RUFY2: variants seen among roughly 807,000 people sequenced by gnomAD.
RUFY2 encodes RUN and FYVE domain-containing protein 2.
In RUFY2, 49 loss-of-function variants were observed where a neutral mutation model predicts 94.4. That is an observed-to-expected ratio of 0.52 (90% CI 0.41 to 0.66). The LOEUF (loss-of-function observed/expected upper bound fraction) is 0.66, where lower values mean the gene tolerates loss of function less well. RUFY2 is among the 30% of genes least tolerant of loss of function. The probability of loss-of-function intolerance (pLI) is 0.00; values close to 1 mark genes in which losing one functional copy is unlikely to be tolerated. For synonymous variants in RUFY2, 255 were observed against 235.7 expected (o/e 1.08, Z -0.75); for missense variants, 541 against 692.8 (o/e 0.78, Z 2.46).
Position 68,407,244 on chromosome 10 carries a change from T to TC in RUFY2, c.-56dup. 1.6e-6 allele frequency: 2 copies of TC among 1,287,282 alleles called. No individual in the cohort carries two copies. Among genetic ancestry groups the TC allele is most frequent in the East Asian group, 3.2e-5 (1 of 31,536 alleles). The allele number at this position is 1,287,282 out of a possible 1,614,324, so 79.7% of individuals were successfully genotyped here. A position where few individuals can be genotyped will look rare whatever the true frequency, so the allele number is the denominator to read the frequency against. ...AGGCTCCCTCGGCCTGTCCAGCAGC[T>TC]CCTTCCAGGCGCTCGGCGGCCACCA... On this transcript the variant is annotated 5_prime_UTR_variant, in exon 1 of 18. Transcript: ENST00000602465.
At chr10:68,397,740 T>C (rs1156346539) in intron 3 of RUFY2, among the ~76,000 whole-genome samples, 1 of 151,776 alleles carries the variant, frequency 6.6e-6, no homozygotes, top group African/African-American at 2.4e-5. Context: ...ATTGCATCAC[T>C]GTACTCAAGC....
chr10:68,381,857 G>A (rs1404999050), intron 10 of RUFY2, among the ~76,000 whole-genome samples: 1 of 152,070 alleles, frequency 6.6e-6, no homozygotes, highest in Non-Finnish European at 1.5e-5. Flanking sequence ...CAAAAAGTAA[G>A]TAAATATTTT....
chr10:68,404,876 T>C, intron 1 of RUFY2, 32 bp from the exon 2 acceptor site: 1 of 1,505,962 alleles, frequency 6.6e-7, no homozygotes, highest in Non-Finnish European at 9.0e-7. Context: ...CCAACATCAT[T>C]TGTAAGACAT....
chr10:68,394,087 C>A lies in RUFY2; in HGVS notation c.572G>T (p.Gly191Val). Reference sequence around the variant, plus strand: ...ATGAAAATCATACCTTTCTTTATTTCCAATATCTTCTTCATTCTTTAAATA... The same window carrying A: ...ATGAAAATCATACCTTTCTTTATTTACAATATCTTCTTCATTCTTTAAATA... ...SMYLKNEEDI[G>V]NKERNVQIAA... The change falls in exon 6 of 18, where the codon GGA becomes GTA. Residue 191 changes from glycine (G) to valine (V), a missense_variant. Physicochemically the swap from Gly to Val is moderately radical, Grantham distance 109. Transcript: ENST00000602465. 6.6e-7 allele frequency: 1 copy of A among 1,506,136 alleles called. No homozygotes were observed. The highest frequency in any genetic ancestry group is 2.4e-5 in the Admixed American group (1 of 42,352). 93.3% of individuals were successfully genotyped at this position (1,506,136 alleles called of 1,614,324 possible).
chr10:68,384,004 G>C, intron 9 of RUFY2, 47 bp downstream of exon 9: 1 of 1,586,436 alleles, frequency 6.3e-7, no homozygotes, highest in African/African-American at 1.3e-5. Flanking sequence ...CCCAAAAATG[G>C]TAATTTCTGA....
intron 3 of RUFY2, among the ~76,000 whole-genome samples, chr10:68,399,441 A>G (rs953821368): frequency 3.3e-5 from 5 of 152,222 alleles, no homozygotes; most frequent in African/African-American, 1.2e-4. Flanking sequence ...CTATACAATT[A>G]TAATAATAAC....
intron 15 of RUFY2, among the ~76,000 whole-genome samples, chr10:68,362,854 C>T (rs999313606): frequency 1.3e-5 from 2 of 151,988 alleles, no homozygotes; most frequent in African/African-American, 2.4e-5. Context: ...ATCCCAGTGA[C>T]ATTTTACTGC....
chr10:68,362,523 G>A (rs192853256), intron 15 of RUFY2, among the ~76,000 whole-genome samples: 2 of 152,014 alleles, frequency 1.3e-5, no homozygotes, highest in East Asian at 3.9e-4. Context: ...TGGGCACAGT[G>A]ACTCACGCCT....
chr10:68,368,004 C>T (rs1262553162), intron 13 of RUFY2, among the ~76,000 whole-genome samples: 2 of 146,494 alleles, frequency 1.4e-5, no homozygotes, highest in Non-Finnish European at 3.0e-5. Flanking sequence ...CTCGCTCTGT[C>T]GCCCAGGCTG....
intron 10 of RUFY2, among the ~76,000 whole-genome samples, chr10:68,382,504 A>G (rs1390856362): frequency 4.6e-5 from 7 of 151,232 alleles, no homozygotes; most frequent in Non-Finnish European, 1.0e-4. Context: ...CATGAGGTCA[A>G]GAGATCGAGA....
intron 15 of RUFY2, among the ~76,000 whole-genome samples, chr10:68,360,726 C>A (rs190952421): frequency 9.9e-5 from 15 of 151,272 alleles, no homozygotes; most frequent in African/African-American, 3.6e-4. Context: ...CCAGCCTGGG[C>A]GACAGAGCGA....
intron 13 of RUFY2, among the ~76,000 whole-genome samples, chr10:68,365,719 A>G (rs1413397135): frequency 6.6e-6 from 1 of 152,196 alleles, no homozygotes; most frequent in Non-Finnish European, 1.5e-5. Flanking sequence ...ATGCAGTAGA[A>G]ACTTAACTCT....
chr10:68,341,404 G>T, downstream of RUFY2: 1 of 1,363,232 alleles, frequency 7.3e-7, no homozygotes, highest in South Asian at 1.3e-5. Flanking sequence ...GGCAGTTGTT[G>T]GGATTTAAAA....
At chr10:68,379,049 G>A (rs1394904814) in intron 12 of RUFY2, 3 of 267,082 alleles carry the variant, frequency 1.1e-5, no homozygotes, top group Non-Finnish European at 2.1e-5. Context: ...ATAAACAGAT[G>A]GTGAATGGCA....
intron 7 of RUFY2, among the ~76,000 whole-genome samples, chr10:68,390,576 T>C (rs1476248475): frequency 6.6e-6 from 1 of 152,136 alleles, no homozygotes; most frequent in East Asian, 1.9e-4. Context: ...AAAATATATA[T>C]TGGATTTTGT....
chr10:68,393,352 G>T (rs1336200483), intron 6 of RUFY2, 149 bp from the exon 7 acceptor site: 1 of 511,276 alleles, frequency 2.0e-6, no homozygotes, highest in East Asian at 3.2e-5. Context: ...AGTAAACTGT[G>T]TACTAAGTAT....
At chr10:68,341,554 TC>T, downstream of RUFY2, 2 of 1,409,282 alleles carry the variant, frequency 1.4e-6, no homozygotes. Context: ...CATTCCTTTC[TC>T]CCCTGTTACT....
At chr10:68,366,500 T>G (rs1368397890) in intron 13 of RUFY2, among the ~76,000 whole-genome samples, 1 of 151,244 alleles carries the variant, frequency 6.6e-6, no homozygotes, top group Non-Finnish European at 1.5e-5. Context: ...TCCAGCACTT[T>G]GGGAGGCCGA....
At chr10:68,406,632 G>C in intron 1 of RUFY2, 1 of 951,812 alleles carries the variant, frequency 1.1e-6, no homozygotes, top group South Asian at 1.8e-5. Flanking sequence ...AGGAGTACCA[G>C]GGCCAGTGCC....
Sources: allele counts gnomAD v4.1 joint callset (sites outside exome capture counted in the v4.1 genomes callset), GRCh38; gene constraint gnomAD v4.1.1; transcripts MANE v1.5; gene names NCBI Gene and HGNC (gene_info 2026-07-23, HGNC 2026-07-21).